The following WAC variants were observed in gnomAD, a reference collection of about 807,000 sequenced individuals.
WAC encodes the protein WW domain-containing adapter protein with coiled-coil.
Under a neutral mutation model 79.6 loss-of-function variants are expected in WAC, and 11 were observed. The ratio of observed to expected loss-of-function variants is 0.14; its 90% CI spans 0.09 to 0.23. The LOEUF is 0.23. WAC is among the 10% of genes least tolerant of loss of function. The pLI is 1.00. For missense variants in WAC, 728 were observed against 773.5 expected (o/e 0.94, Z 0.70); for synonymous variants, 304 against 276.9 (o/e 1.10, Z -0.97).
upstream of WAC, chr10:28,533,026 TC>T (rs879764427): frequency 6.5e-6 from 1 of 154,290 alleles, no homozygotes; most frequent in Non-Finnish European, 1.5e-5. Flanking sequence ...AGGGCGGTGT[TC>T]CGGACCCGCG....
At chr10:28,538,727 TAA>T (rs769305469) in intron 3 of WAC, among the ~76,000 whole-genome samples, 1 of 143,330 alleles carries the variant, frequency 7.0e-6, no homozygotes. Context: ...CTGTGTCTAC[TAA>T]AAAAAAAAAA....
At chr10:28,556,241 A>G (rs1010755297) in intron 3 of WAC, among the ~76,000 whole-genome samples, 7 of 152,080 alleles carry the variant, frequency 4.6e-5, no homozygotes, top group African/African-American at 1.7e-4. Context: ...TGTTTTTTCC[A>G]TAATAGCCAT....
intron 2 of WAC, 35 bp from the exon 3 acceptor site, chr10:28,535,523 ATTCT>A (rs1564368600): frequency 1.3e-6 from 2 of 1,524,796 alleles, no homozygotes; most frequent in Non-Finnish European, 1.8e-6. Flanking sequence ...TAAGGTTTCA[ATTCT>A]TTCTCTCTTT....
intron 3 of WAC, among the ~76,000 whole-genome samples, chr10:28,552,113 G>T (rs1837712493): frequency 1.3e-5 from 2 of 152,164 alleles, no homozygotes; most frequent in African/African-American, 4.8e-5. Context: ...ACCACGCCCA[G>T]CCCTTGTATG....
rs79302779 is a variant in WAC, at chr10:28,568,958, A to G, written c.275-14441A>G. On this transcript the variant is annotated intron_variant, in intron 3 of 13. Coordinates refer to ENST00000354911, the MANE Select transcript of WAC (RefSeq NM_016628.5). The stretch of plus-strand genomic sequence containing the variant: ...ATATGTCCCTGTGATTACATACAAT[A>G]TATGCATTGTACATGTGGATTACAT... Among the ~76,000 whole-genome samples the G allele has an allele frequency of 6.7e-3, 1,022 of 152,268 alleles. 12 individuals are homozygous for G. The highest frequency in any genetic ancestry group is 0.024 in the African/African-American group (988 of 41,534).
intron 6 of WAC, chr10:28,591,186 A>G (rs562323398): frequency 6.2e-4 from 138 of 220,818 alleles, no homozygotes; most frequent in Non-Finnish European, 8.9e-4. Flanking sequence ...ACTGGACACA[A>G]ATCTCACCGG....
In WAC at chr10:28,616,050, A is replaced by G. The variant is rs1841452599; in HGVS notation, c.1557-123A>G. 3.9e-6 allele frequency: 3 copies of G among 770,608 alleles called. No homozygotes were observed. In the Admixed American group the frequency reaches 9.9e-5, roughly 25 times the overall value. The allele number at this position is 770,608 out of a possible 1,614,324, so 47.7% of individuals were successfully genotyped here. ...ATTCTCTTTATTTGACATTAAAATA[A>G]CAAATTTTTCTTAGGAATTTGGATA... is the stretch of plus-strand genomic sequence containing the variant. On this transcript the variant is annotated intron_variant, in intron 11 of 13. Coordinates refer to ENST00000354911, the MANE Select transcript of WAC (RefSeq NM_016628.5).
chr10:28,598,757 C>CTAACATACA (rs1840498529), intron 7 of WAC, among the ~76,000 whole-genome samples: 1 of 152,156 alleles, frequency 6.6e-6, no homozygotes, highest in East Asian at 1.9e-4. Context: ...TATGTCAGTT[C>CTAACATACA]GGACGCTCGT....
intron 3 of WAC, among the ~76,000 whole-genome samples, chr10:28,569,357 T>A (rs183810149): frequency 1.8e-3 from 275 of 152,356 alleles, no homozygotes; most frequent in African/African-American, 6.3e-3. Flanking sequence ...TACAATTAGT[T>A]GTTAATGCTT....
rs751651715 is a variant in WAC at position 28,611,732 on chromosome 10, GTTTTGT to G, written c.1289-37_1289-32del. The G allele has an allele frequency of 1.9e-6, 3 of 1,597,748 alleles. No individual in the cohort carries two copies. The African/African-American group carries it at 4.1e-5, about 22-fold the overall frequency. On this transcript the variant is annotated intron_variant, in intron 9 of 13. Transcript: ENST00000354911. Reference sequence around the variant, plus strand: ...ACAAAGGACTTTAGTTTTTTGTTTTGTTTTGTTTTTCTTTAAAATTAATTGCTTCCC... The same window carrying G: ...ACAAAGGACTTTAGTTTTTTGTTTTGTTTTCTTTAAAATTAATTGCTTCCC...
chr10:28,614,175 C>A (rs1010435428), intron 10 of WAC, among the ~76,000 whole-genome samples: 1 of 151,924 alleles, frequency 6.6e-6, no homozygotes, highest in East Asian at 1.9e-4. Context: ...GCGCGATCTC[C>A]GCTCACTGCA....
intron 7 of WAC, among the ~76,000 whole-genome samples, chr10:28,607,188 T>C (rs2132798611): frequency 6.6e-6 from 1 of 152,334 alleles, no homozygotes; most frequent in Admixed American, 6.5e-5. Context: ...TTTTTGTAAC[T>C]TTACACATCT....
rs1478141726 is a variant in WAC at position 28,621,248 on chromosome 10, A to G, written c.*1642A>G. Reference sequence around the variant, plus strand: ...TTTTTTTTTTTTTCTGTTGGGGCAGATAAGTGCTTCCAAAACTGGCAGCAC... The same window carrying G: ...TTTTTTTTTTTTTCTGTTGGGGCAGGTAAGTGCTTCCAAAACTGGCAGCAC... On this transcript the variant is annotated 3_prime_UTR_variant, in exon 14 of 14. Transcript: ENST00000354911. 2 of 130,452 alleles carry G rather than the reference A, an allele frequency of 1.5e-5. No individual in the cohort carries two copies. Among genetic ancestry groups the G allele is most frequent in the Admixed American group, 8.9e-5 (1 of 11,282 alleles). The allele number at this position is 130,452 out of a possible 1,614,324, so 8.1% of individuals were successfully genotyped here. A position where few individuals can be genotyped will look rare whatever the true frequency, so the allele number is the denominator to read the frequency against.
intron 3 of WAC, chr10:28,538,366 G>A (rs779321363): frequency 1.1e-5 from 3 of 262,862 alleles, no homozygotes; most frequent in South Asian, 9.0e-5. Context: ...CAGATCACCT[G>A]AGGTCAGGAG....
At chr10:28,616,597 T>C (rs1163872939) in intron 12 of WAC, among the ~76,000 whole-genome samples, 1 of 152,262 alleles carries the variant, frequency 6.6e-6, no homozygotes, top group Non-Finnish European at 1.5e-5. Context: ...AGCTCAGTGC[T>C]TAATGCCTTA....
At chr10:28,599,128 G>A (rs1840517049) in intron 7 of WAC, among the ~76,000 whole-genome samples, 1 of 151,964 alleles carries the variant, frequency 6.6e-6, no homozygotes, top group South Asian at 2.1e-4. Flanking sequence ...TTTAAATTAA[G>A]CTTTCTATTG....
At chr10:28,575,336 A>G (rs1839187265) in intron 3 of WAC, among the ~76,000 whole-genome samples, 3 of 152,128 alleles carry the variant, frequency 2.0e-5, no homozygotes. Flanking sequence ...TTGTTTGTAT[A>G]TATGATGTGC....
intron 11 of WAC, 166 bp downstream of exon 11, chr10:28,614,851 AG>A: frequency 1.9e-6 from 1 of 531,574 alleles, no homozygotes. Flanking sequence ...TGTATACAAG[AG>A]GTAGGTTATT....
At position 28,590,878 on chromosome 10, in the gene WAC, GTATT is replaced by G. The variant is rs768172706; in HGVS notation, c.610+52_610+55del. 23 of 1,418,152 alleles carry G rather than the reference GTATT, an allele frequency of 1.6e-5. No homozygotes were observed. The Middle Eastern group carries it at 5.3e-4, about 32-fold the overall frequency. The allele number at this position is 1,418,152 out of a possible 1,614,324, so 87.8% of individuals were successfully genotyped here. A position where few individuals can be genotyped will look rare whatever the true frequency, so the allele number is the denominator to read the frequency against. On this transcript the variant is annotated intron_variant, in intron 6 of 13. Coordinates refer to ENST00000354911, the MANE Select transcript of WAC (RefSeq NM_016628.5). Reference sequence around the variant, plus strand: ...TTTGAAATGTATGTTTGACTTATTCGTATTTATTTTTCAAATCTGTATCCATTGC... The same window carrying G: ...TTTGAAATGTATGTTTGACTTATTCGTATTTTTCAAATCTGTATCCATTGC...
Sources: gnomAD v4.1 joint callset for allele counts (sites outside exome capture counted in the v4.1 genomes callset) on GRCh38, gnomAD v4.1.1 for gene constraint, MANE v1.5 for transcripts, NCBI Gene and HGNC (gene_info 2026-07-23, HGNC 2026-07-21) for gene names.